Variants in RNF220 observed in about 807,000 individuals in gnomAD.
RNF220 encodes ring finger protein 220, also known as E3 ubiquitin-protein ligase RNF220.
RNF220 carries 7 observed loss-of-function variants against 67.1 expected under a neutral mutation model. That is an observed-to-expected ratio of 0.10 (90% CI 0.06 to 0.20). The LOEUF is 0.20. RNF220 is among the 10% of genes least tolerant of loss of function. The pLI is 1.00. For synonymous variants in RNF220, 270 were observed against 283.2 expected, an observed-to-expected ratio of 0.95 and a Z score of 0.47; for missense variants, 565 against 740.3, an observed-to-expected ratio of 0.76 and a Z score of 2.75.
At chr1:44,582,689 G>A (rs1022286816) in intron 2 of RNF220, among the ~76,000 whole-genome samples, 9 of 151,308 alleles carry the variant, frequency 5.9e-5, no homozygotes, top group East Asian at 1.9e-4. Context: ...TCCGGAAGGC[G>A]GAGGTTGCAG....
chr1:44,558,363 C>T (rs577972952), intron 2 of RNF220, among the ~76,000 whole-genome samples: 4 of 152,186 alleles, frequency 2.6e-5, no homozygotes, highest in South Asian at 4.2e-4. Context: ...TCTTTTCTGG[C>T]ACCAGGTGAA....
At chr1:44,410,065 C>A (rs939842515) in intron 1 of RNF220, among the ~76,000 whole-genome samples, 5 of 152,012 alleles carry the variant, frequency 3.3e-5, no homozygotes, top group Non-Finnish European at 7.4e-5. Context: ...GTGTCCGGTG[C>A]TGTCACCAGA....
intron 2 of RNF220, among the ~76,000 whole-genome samples, chr1:44,557,761 C>T (rs1663233065): frequency 6.6e-6 from 1 of 152,200 alleles, no homozygotes; most frequent in South Asian, 2.1e-4. Flanking sequence ...AGTTTCAAAG[C>T]AAACCCACTT....
intron 4 of RNF220, among the ~76,000 whole-genome samples, chr1:44,623,821 G>A (rs1234707886): frequency 2.0e-5 from 3 of 152,218 alleles, no homozygotes; most frequent in Non-Finnish European, 4.4e-5. Flanking sequence ...TGGTATCTCA[G>A]GATCCTAAGG....
intron 2 of RNF220, among the ~76,000 whole-genome samples, chr1:44,607,120 G>C (rs1426132488): frequency 2.6e-5 from 4 of 151,990 alleles, no homozygotes; most frequent in African/African-American, 9.7e-5. Flanking sequence ...GTTCATCTCC[G>C]GCATCGTCAT....
Position 44,412,803 on chromosome 1 carries a change from G to C in RNF220, c.625+81G>C. ...ATGTTCAACAGGTCGGTGGCGTTTT[G>C]CATGCTCCTAGTAATAGGAAGGGCC... On this transcript the variant is annotated intron_variant, in intron 2 of 14. Coordinates refer to ENST00000361799, the MANE Select transcript of RNF220 (RefSeq NM_018150.4). This position sits in a 1 kb window ranked among gnomAD's most constrained non-coding sequence, Gnocchi z 5.3. The C allele has an allele frequency of 6.7e-7, 1 of 1,499,880 alleles. No homozygotes were observed. Among genetic ancestry groups the C allele is most frequent in the African/African-American group, 1.4e-5 (1 of 71,838 alleles). 92.9% of individuals were successfully genotyped at this position (1,499,880 alleles called of 1,614,324 possible). A position where few individuals can be genotyped will look rare whatever the true frequency, so the allele number is the denominator to read the frequency against.
chr1:44,471,424 C>G (rs1257564237), intron 2 of RNF220, among the ~76,000 whole-genome samples: 1 of 143,996 alleles, frequency 6.9e-6, no homozygotes, highest in Non-Finnish European at 1.5e-5. Context: ...GAGACTCCAT[C>G]TCAAAATAAA....
In RNF220 at chr1:44,645,566, C is replaced by T; in HGVS notation, c.1445+78C>T. On this transcript the variant is annotated intron_variant, in intron 12 of 14. Transcript: ENST00000361799. This position sits in a 1 kb window ranked among gnomAD's most constrained non-coding sequence, Gnocchi z 5.0. ...GGCCCTTTGCTAGCAGGAAGGCCTG[C>T]TGCCAGGGCTTCTGGCCCTCCCAAG... is the stretch of plus-strand genomic sequence containing the variant. The T allele has an allele frequency of 3.5e-6, 5 of 1,427,830 alleles. No homozygotes were observed. In the South Asian group the frequency reaches 6.0e-5, roughly 17 times the overall value. 88.4% of individuals were successfully genotyped at this position (1,427,830 alleles called of 1,614,324 possible). A position where few individuals can be genotyped will look rare whatever the true frequency, so the allele number is the denominator to read the frequency against.
At chr1:44,619,694 G>C (rs1187676328) in intron 3 of RNF220, among the ~76,000 whole-genome samples, 1 of 152,198 alleles carries the variant, frequency 6.6e-6, no homozygotes, top group Non-Finnish European at 1.5e-5. Context: ...ATCGTTGGGG[G>C]CGGGCTGTGG....
At chr1:44,595,355 G>A (rs1019499339) in intron 2 of RNF220, among the ~76,000 whole-genome samples, 2 of 152,180 alleles carry the variant, frequency 1.3e-5, no homozygotes, top group African/African-American at 2.4e-5. Context: ...CCTCCAGGAC[G>A]CCCGGGCCCT....
At chr1:44,635,963 G>A (rs991611085) in intron 7 of RNF220, 67 bp from the exon 8 acceptor site, 20 of 1,610,266 alleles carry the variant, frequency 1.2e-5, no homozygotes, top group African/African-American at 8.0e-5. Flanking sequence ...CTGTGCCTTC[G>A]TTGCAGACTG....
chr1:44,524,350 A>G (rs1213235494), intron 2 of RNF220, among the ~76,000 whole-genome samples: 1 of 151,968 alleles, frequency 6.6e-6, no homozygotes, highest in Non-Finnish European at 1.5e-5. Context: ...ACTCCTTGTA[A>G]TTCAACTTCC....
At chr1:44,474,402 TA>T (rs1655107074) in intron 2 of RNF220, among the ~76,000 whole-genome samples, 1 of 137,978 alleles carries the variant, frequency 7.2e-6, no homozygotes, top group Non-Finnish European at 1.6e-5. Flanking sequence ...ATAATAATAA[TA>T]ATAATAATAA....
intron 2 of RNF220, among the ~76,000 whole-genome samples, chr1:44,540,912 G>GT (rs1391532232): frequency 2.0e-5 from 3 of 151,966 alleles, no homozygotes; most frequent in African/African-American, 7.3e-5. Flanking sequence ...TGATTTCCTC[G>GT]TTTTTTGGGG....
At chr1:44,510,432 C>G (rs1374860052) in intron 2 of RNF220, among the ~76,000 whole-genome samples, 2 of 152,176 alleles carry the variant, frequency 1.3e-5, no homozygotes, top group Non-Finnish European at 2.9e-5. Context: ...GTTAAGGACA[C>G]TGCTCTCTAG....
At chr1:44,440,749 A>G (rs934244566) in intron 2 of RNF220, among the ~76,000 whole-genome samples, 2 of 152,122 alleles carry the variant, frequency 1.3e-5, no homozygotes, top group African/African-American at 4.8e-5. Flanking sequence ...AAGAACAGAC[A>G]CCTTCTCAAC....
At chr1:44,468,413 G>A (rs980824729) in intron 2 of RNF220, among the ~76,000 whole-genome samples, 1 of 152,174 alleles carries the variant, frequency 6.6e-6, no homozygotes, top group Non-Finnish European at 1.5e-5. Flanking sequence ...TGGAAGCGGA[G>A]TGCATTATTG....
intron 2 of RNF220, among the ~76,000 whole-genome samples, chr1:44,561,240 G>A (rs1330385201): frequency 1.3e-5 from 2 of 152,174 alleles, no homozygotes; most frequent in African/African-American, 2.4e-5. Flanking sequence ...GGCTGGGCGC[G>A]GTGGCTCACG....
rs191713546 is a variant in RNF220, at chr1:44,505,969, G to A, written c.625+93247G>A. 1.4e-3 allele frequency among the ~76,000 whole-genome samples: 212 copies of A among 151,932 alleles called. 1 individual carries two copies. Among genetic ancestry groups the A allele is most frequent in the Non-Finnish European group, 1.2e-3 (79 of 68,012 alleles). On this transcript the variant is annotated intron_variant, in intron 2 of 14. Transcript: ENST00000361799. ...TTCTCCCCCATCCTTGACACCTCTA[G>A]AAGGTAGCCCATCATACCCCCTTAT...
Sources: allele counts gnomAD v4.1 joint callset (sites outside exome capture counted in the v4.1 genomes callset), GRCh38; gene constraint gnomAD v4.1.1; non-coding constraint Gnocchi (gnomAD v3.1); transcripts MANE v1.5; gene names NCBI Gene and HGNC (gene_info 2026-07-23, HGNC 2026-07-21).